DDAH1: variants seen among roughly 807,000 people sequenced by gnomAD.
DDAH1 encodes dimethylarginine dimethylaminohydrolase 1.
In DDAH1, 19 loss-of-function variants were observed where a neutral mutation model predicts 28.8. The ratio of observed to expected loss-of-function variants is 0.66; its 90% CI spans 0.46 to 0.97. DDAH1 has a LOEUF of 0.97. Ranked by LOEUF, DDAH1 falls within the 50% of genes least tolerant of loss-of-function variation. The pLI is 0.00. For missense variants in DDAH1, 326 were observed against 375.9 expected (o/e 0.87, Z 1.10); for synonymous variants, 153 against 154.4 (o/e 0.99, Z 0.07).
At chr1:85,544,790 T>C (rs1395943735) in intron 1 of DDAH1, among the ~76,000 whole-genome samples, 1 of 152,094 alleles carries the variant, frequency 6.6e-6, no homozygotes, top group Non-Finnish European at 1.5e-5. Flanking sequence ...CCTCCACACA[T>C]TGCCACACTA....
chr1:85,485,513 C>A (rs981981509), intron 2 of DDAH1, among the ~76,000 whole-genome samples: 15 of 151,992 alleles, frequency 9.9e-5, no homozygotes, highest in Non-Finnish European at 1.6e-4. Context: ...CATTTTTATC[C>A]CCAAACTTTA....
chr1:85,479,498 G>C (rs1023180598), intron 2 of DDAH1, among the ~76,000 whole-genome samples: 1 of 152,180 alleles, frequency 6.6e-6, no homozygotes, highest in African/African-American at 2.4e-5. Context: ...AAAGACACCA[G>C]AAGGAAATTA....
At chr1:85,453,399 C>G (rs1324421689) in intron 1 of DDAH1, among the ~76,000 whole-genome samples, 1 of 152,202 alleles carries the variant, frequency 6.6e-6, no homozygotes, top group East Asian at 1.9e-4. Flanking sequence ...TCTCACAATT[C>G]CAAGCCCTTT....
In DDAH1 at chr1:85,432,531, G is replaced by A. The variant is rs550389706; in HGVS notation, c.303+32212C>T. On this transcript the variant is annotated intron_variant, in intron 1 of 5. Coordinates refer to ENST00000284031, the MANE Select transcript of DDAH1 (RefSeq NM_012137.4). ...TTCCTGGAATGGTCAGCTTTTTTCA[G>A]TAGATTCCATCGTGCCTGGAATGAT... Among the ~76,000 whole-genome samples, 22 of 152,184 alleles carry A rather than the reference G, an allele frequency of 1.4e-4. No individual in the cohort carries two copies. The East Asian group carries it at 4.2e-3, about 29-fold the overall frequency.
intron 1 of DDAH1, among the ~76,000 whole-genome samples, chr1:85,546,442 A>G (rs2100790467): frequency 6.6e-6 from 1 of 152,276 alleles, no homozygotes; most frequent in South Asian, 2.1e-4. Flanking sequence ...TTCATTATAA[A>G]TTCCCCAGCT....
At chr1:85,484,763 G>A (rs1329396350) in intron 2 of DDAH1, among the ~76,000 whole-genome samples, 2 of 152,046 alleles carry the variant, frequency 1.3e-5, no homozygotes, top group Admixed American at 6.6e-5. Context: ...TCACCATCTC[G>A]CTCAGTAACC....
At chr1:85,565,933 T>G (rs1197760445) in intron 1 of DDAH1, among the ~76,000 whole-genome samples, 1 of 151,982 alleles carries the variant, frequency 6.6e-6, no homozygotes, top group Non-Finnish European at 1.5e-5. Context: ...ATACAAAAAT[T>G]AGCTGGGTGT....
chr1:85,443,766 C>A (rs1231177685), intron 1 of DDAH1, among the ~76,000 whole-genome samples: 1 of 152,158 alleles, frequency 6.6e-6, no homozygotes, highest in Non-Finnish European at 1.5e-5. Flanking sequence ...ATTTTACTCT[C>A]TTTGAAGCAA....
At position 85,354,566 on chromosome 1, in the gene DDAH1, G is replaced by A. The variant is rs527902856; in HGVS notation, c.404-2987C>T. The stretch of plus-strand genomic sequence containing the variant: ...TCTACTTGAAATGAAATTCATAAAG[G>A]AAAGAAAAGCTAAATACTTGAGTCT... On this transcript the variant is annotated intron_variant, in intron 2 of 5. Coordinates refer to ENST00000284031, the MANE Select transcript of DDAH1 (RefSeq NM_012137.4). Among the ~76,000 whole-genome samples the A allele has an allele frequency of 2.6e-5, 4 of 152,004 alleles. No individual in the cohort carries two copies. In the East Asian group the frequency reaches 5.8e-4, roughly 22 times the overall value.
intron 1 of DDAH1, among the ~76,000 whole-genome samples, chr1:85,410,637 C>CAAA (rs10630765): frequency 0.2 from 28,232 of 142,002 alleles, 3,050 homozygotes; most frequent in East Asian, 0.31. Context: ...AGCTCTGCCT[C>CAAA]AAAAAAAAAA....
At chr1:85,519,943 A>G (rs1657616415) in intron 1 of DDAH1, among the ~76,000 whole-genome samples, 1 of 151,456 alleles carries the variant, frequency 6.6e-6, no homozygotes, top group Non-Finnish European at 1.5e-5. Flanking sequence ...TATCAACTAT[A>G]TTTGTAATGT....
intron 2 of DDAH1, among the ~76,000 whole-genome samples, chr1:85,485,138 T>C (rs1393984228): frequency 2.6e-5 from 4 of 152,212 alleles, no homozygotes; most frequent in African/African-American, 9.6e-5. Context: ...CATAATGCTG[T>C]GCGGGTGCCA....
At chr1:85,400,177 C>CTTTTTTTTTTTTT (rs61677601) in intron 1 of DDAH1, among the ~76,000 whole-genome samples, 3 of 54,948 alleles carry the variant, frequency 5.5e-5, no homozygotes, top group East Asian at 7.3e-4. Context: ...CTTTTCTTTT[C>CTTTTTTTTTTTTT]TTTTTTTTTT....
chr1:85,572,804 C>T (rs1344996706), intron 1 of DDAH1, among the ~76,000 whole-genome samples: 1 of 152,234 alleles, frequency 6.6e-6, no homozygotes, highest in African/African-American at 2.4e-5. Context: ...TCACATGGCT[C>T]ACCACTGCCT....
At chr1:85,492,560 C>T (rs1435234665) in intron 2 of DDAH1, among the ~76,000 whole-genome samples, 1 of 152,086 alleles carries the variant, frequency 6.6e-6, no homozygotes, top group Non-Finnish European at 1.5e-5. Context: ...CTCATTGGAC[C>T]ATTGATATCA....
At chr1:85,575,730 G>T in intron 1 of DDAH1, 1 of 152,372 alleles carries the variant, frequency 6.6e-6, no homozygotes. Flanking sequence ...AAGAGATAGA[G>T]AGTAGGCAGT....
chr1:85,416,963 A>G (rs1217311125), intron 1 of DDAH1, among the ~76,000 whole-genome samples: 4 of 152,068 alleles, frequency 2.6e-5, no homozygotes, highest in African/African-American at 9.7e-5. Context: ...CCACTACTGC[A>G]CCTGGATGAA....
At chr1:85,523,986 A>C (rs1307189714) in intron 1 of DDAH1, among the ~76,000 whole-genome samples, 1 of 151,742 alleles carries the variant, frequency 6.6e-6, no homozygotes, top group Non-Finnish European at 1.5e-5. Context: ...ACACTTATTG[A>C]GTATCTACTG....
intron 1 of DDAH1, among the ~76,000 whole-genome samples, chr1:85,548,546 G>C (rs1481498175): frequency 6.6e-6 from 1 of 152,082 alleles, no homozygotes; most frequent in East Asian, 1.9e-4. Context: ...TATCTGCAAG[G>C]GTTAATAACA....
Sources: gnomAD v4.1 joint callset for allele counts (sites outside exome capture counted in the v4.1 genomes callset) on GRCh38, gnomAD v4.1.1 for gene constraint, MANE v1.5 for transcripts, NCBI Gene and HGNC (gene_info 2026-07-23, HGNC 2026-07-21) for gene names.